KIRREL3: variants seen among roughly 807,000 people sequenced by gnomAD.
KIRREL3 encodes the protein kirre like nephrin family adhesion molecule 3, also known as kin of IRRE-like protein 3.
A neutral mutation model predicts 89.7 loss-of-function variants in KIRREL3; 36 were observed. The ratio of observed to expected loss-of-function variants is 0.40; its 90% CI spans 0.31 to 0.53. The LOEUF is 0.53. KIRREL3 is among the 20% of genes least tolerant of loss of function. The pLI is 0.49. For synonymous variants in KIRREL3, 445 were observed against 441.4 expected (o/e 1.01, Z -0.10); for missense variants, 864 against 1,056.6 (o/e 0.82, Z 2.53).
At chr11:126,586,940 G>A (rs1941890799) in intron 1 of KIRREL3, among the ~76,000 whole-genome samples, 1 of 152,170 alleles carries the variant, frequency 6.6e-6, no homozygotes, top group Non-Finnish European at 1.5e-5. Flanking sequence ...GTCACTGTTC[G>A]AAGGCTTGGG....
intron 1 of KIRREL3, among the ~76,000 whole-genome samples, chr11:126,663,851 G>A (rs1477908813): frequency 6.6e-6 from 1 of 152,244 alleles, no homozygotes. Flanking sequence ...AGAAAGATGG[G>A]GAATGAGGAA....
chr11:126,984,220 C>T (rs1166114576), intron 1 of KIRREL3, among the ~76,000 whole-genome samples: 1 of 152,148 alleles, frequency 6.6e-6, no homozygotes, highest in African/African-American at 2.4e-5. Flanking sequence ...AAAGCCCTCA[C>T]AAAAAGGTAT....
At chr11:126,473,054 T>TGCCAA (rs1591597878) in intron 5 of KIRREL3, among the ~76,000 whole-genome samples, 1 of 8,922 alleles carries the variant, frequency 1.1e-4, no homozygotes, top group Non-Finnish European at 2.0e-4. Flanking sequence ...CCCCAGCCCC[T>TGCCAA]CTCCCCAGCC....
At position 126,689,307 on chromosome 11, in the gene KIRREL3, A is replaced by G. The variant is rs1946790650; in HGVS notation, c.56-126395T>C. Among the ~76,000 whole-genome samples the G allele has an allele frequency of 6.6e-6, 1 of 152,186 alleles. No homozygotes were observed. The highest frequency in any genetic ancestry group is 2.4e-5 in the African/African-American group (1 of 41,440). Reference sequence around the variant, plus strand: ...TGGAATTTGTCCCATCTCGACTTGGAAGAATGAGACACCTTGGAAGATGAG... The same window carrying G: ...TGGAATTTGTCCCATCTCGACTTGGGAGAATGAGACACCTTGGAAGATGAG... On this transcript the variant is annotated intron_variant, in intron 1 of 16. Coordinates refer to ENST00000525144, the MANE Select transcript of KIRREL3 (RefSeq NM_032531.4). The surrounding 1 kb of genome is among the most constrained non-coding windows in gnomAD (Gnocchi z 5.2).
At position 126,795,630 on chromosome 11, in the gene KIRREL3, C is replaced by T. The variant is rs1950783352; in HGVS notation, c.55+204825G>A. Among the ~76,000 whole-genome samples, 1 of 152,160 alleles carries T rather than the reference C, an allele frequency of 6.6e-6. No homozygotes were observed. Among genetic ancestry groups the T allele is most frequent in the African/African-American group, 2.4e-5 (1 of 41,418 alleles). On this transcript the variant is annotated intron_variant, in intron 1 of 16. Transcript: ENST00000525144. The surrounding 1 kb of genome is among the most constrained non-coding windows in gnomAD (Gnocchi z 4.1). Reference sequence around the variant, plus strand: ...AACTCCTGACCTCAGGTGATCCACCCTCCTCGGCCTCCCCAAGTGCCAGGA... The same window carrying T: ...AACTCCTGACCTCAGGTGATCCACCTTCCTCGGCCTCCCCAAGTGCCAGGA...
intron 1 of KIRREL3, among the ~76,000 whole-genome samples, chr11:126,881,307 TC>T (rs1188678945): frequency 6.6e-6 from 1 of 152,096 alleles, no homozygotes; most frequent in Non-Finnish European, 1.5e-5. Context: ...CCATTCCCTC[TC>T]CCCACGTTCC....
rs1342587023 is a variant in KIRREL3 at position 126,639,085 on chromosome 11, G to A, written c.56-76173C>T. 6.6e-6 allele frequency among the ~76,000 whole-genome samples: 1 copy of A among 152,088 alleles called. No homozygotes were observed. The highest frequency in any genetic ancestry group is 2.4e-5 in the African/African-American group (1 of 41,414). ...CTCAGTCCTGGGCTGCATTGCCAAAGTTTCCAGTTTCTTCATGACTTGGCC... is the reference window on the plus strand; with the variant it reads ...CTCAGTCCTGGGCTGCATTGCCAAAATTTCCAGTTTCTTCATGACTTGGCC... On this transcript the variant is annotated intron_variant, in intron 1 of 16. Transcript: ENST00000525144. The surrounding 1 kb of genome is among the most constrained non-coding windows in gnomAD (Gnocchi z 4.3).
chr11:126,930,806 C>T (rs374710239), intron 1 of KIRREL3, among the ~76,000 whole-genome samples: 4 of 152,154 alleles, frequency 2.6e-5, no homozygotes, highest in African/African-American at 9.7e-5. Flanking sequence ...GCTCAGTGAT[C>T]CCAGGATTGT....
chr11:126,433,373 G>A (rs1297600771), intron 13 of KIRREL3, among the ~76,000 whole-genome samples: 1 of 152,214 alleles, frequency 6.6e-6, no homozygotes, highest in Non-Finnish European at 1.5e-5. Context: ...CTGCTGGGAG[G>A]AGGTATCAAG....
chr11:126,928,713 A>T (rs931006477), intron 1 of KIRREL3, among the ~76,000 whole-genome samples: 7 of 152,224 alleles, frequency 4.6e-5, no homozygotes, highest in Non-Finnish European at 1.0e-4. Flanking sequence ...GACATAAGGA[A>T]CACAGCAGAT....
intron 1 of KIRREL3, among the ~76,000 whole-genome samples, chr11:126,781,727 C>G (rs974428948): frequency 1.3e-5 from 2 of 152,140 alleles, no homozygotes; most frequent in Admixed American, 6.5e-5. Context: ...CGCAAGGACA[C>G]CAAAGGGCTC....
In KIRREL3 at chr11:126,693,632, C is replaced by CA. The variant is rs10701315; in HGVS notation, c.56-130721_56-130720insT. Among the ~76,000 whole-genome samples the CA allele has an allele frequency of 2.8e-3, 408 of 143,740 alleles. 10 individuals carry two copies. The highest frequency in any genetic ancestry group is 0.023 in the East Asian group (119 of 5,140). 94.3% of individuals were successfully genotyped at this position (143,740 alleles called of 152,430 possible). ...CCACACACACACACACACACACACA[C>CA]CCATAGTCAGAGGAAGCCTCAAATC... On this transcript the variant is annotated intron_variant, in intron 1 of 16. Transcript: ENST00000525144.
chr11:126,737,650 G>A (rs779515317), intron 1 of KIRREL3, among the ~76,000 whole-genome samples: 5 of 152,298 alleles, frequency 3.3e-5, no homozygotes, highest in South Asian at 2.1e-4. Context: ...TCCCCAGCTC[G>A]GAATTCTCCA....
At chr11:126,534,875 T>G (rs761241818) in intron 2 of KIRREL3, among the ~76,000 whole-genome samples, 3 of 152,094 alleles carry the variant, frequency 2.0e-5, no homozygotes, top group Non-Finnish European at 4.4e-5. Context: ...CAGTGGCTGT[T>G]TCTGGCTGGG....
chr11:126,932,547 G>A (rs1947994610), intron 1 of KIRREL3, among the ~76,000 whole-genome samples: 1 of 152,192 alleles, frequency 6.6e-6, no homozygotes, highest in African/African-American at 2.4e-5. Context: ...CATACAGAAA[G>A]GGCAAGTCTC....
chr11:126,555,684 T>A lies in KIRREL3; in HGVS notation c.133+7151A>T, dbSNP rs1356496601. Among the ~76,000 whole-genome samples the A allele has an allele frequency of 6.6e-6, 1 of 151,090 alleles. No homozygotes were observed. The highest frequency in any genetic ancestry group is 2.4e-5 in the African/African-American group (1 of 41,120). ...GGGTGTTTAAGGGGGTAGGATGAAG[T>A]CAGAGGTAGGTAGGAACCAGATCAC... On this transcript the variant is annotated intron_variant, in intron 2 of 16. Transcript: ENST00000525144. The surrounding 1 kb of genome is among the most constrained non-coding windows in gnomAD (Gnocchi z 4.2).
At position 126,611,644 on chromosome 11, in the gene KIRREL3, G is replaced by A. The variant is rs1943134125; in HGVS notation, c.56-48732C>T. On this transcript the variant is annotated intron_variant, in intron 1 of 16. Transcript: ENST00000525144. This position sits in a 1 kb window ranked among gnomAD's most constrained non-coding sequence, Gnocchi z 4.7. ...GTCATTTGTCCACGTTTGCATTCCC[G>A]TGCCCTCCCCACAGATGGCTGCTCT... Among the ~76,000 whole-genome samples the A allele has an allele frequency of 6.6e-6, 1 of 152,078 alleles. No homozygotes were observed. The highest frequency in any genetic ancestry group is 1.5e-5 in the Non-Finnish European group (1 of 68,016).
rs1168621184 is a variant in KIRREL3 at position 126,879,347 on chromosome 11, C to A, written c.55+121108G>T. Among the ~76,000 whole-genome samples, 1 of 152,180 alleles carries A rather than the reference C, an allele frequency of 6.6e-6. No homozygotes were observed. Among genetic ancestry groups the A allele is most frequent in the South Asian group, 2.1e-4 (1 of 4,828 alleles). On this transcript the variant is annotated intron_variant, in intron 1 of 16. Coordinates refer to ENST00000525144, the MANE Select transcript of KIRREL3 (RefSeq NM_032531.4). This position sits in a 1 kb window ranked among gnomAD's most constrained non-coding sequence, Gnocchi z 5.4. ...ATACACTAACGTGGAATTACTGAACCGTCACACACATCTGGAAATGTATGT... is the reference window on the plus strand; with the variant it reads ...ATACACTAACGTGGAATTACTGAACAGTCACACACATCTGGAAATGTATGT...
intron 1 of KIRREL3, among the ~76,000 whole-genome samples, chr11:126,834,137 GA>G (rs1457447032): frequency 6.6e-6 from 1 of 152,138 alleles, no homozygotes; most frequent in African/African-American, 2.4e-5. Context: ...AATACATAAA[GA>G]AATTTAAGTT....
Sources: gnomAD v4.1 joint callset for allele counts (sites outside exome capture counted in the v4.1 genomes callset) on GRCh38, gnomAD v4.1.1 for gene constraint, Gnocchi (gnomAD v3.1) non-coding constraint, MANE v1.5 for transcripts, NCBI Gene and HGNC (gene_info 2026-07-23, HGNC 2026-07-21) for gene names.